Variants in SGCD observed in about 807,000 individuals in gnomAD.
SGCD encodes the protein delta-sarcoglycan.
SGCD carries 18 observed loss-of-function variants against 36.6 expected under a neutral mutation model. The observed-to-expected ratio is 0.49, with a 90% confidence interval of 0.34 to 0.73. SGCD has a LOEUF of 0.73. SGCD is among the 30% of genes least tolerant of loss of function. The probability of loss-of-function intolerance (pLI) is 0.01; values close to 1 mark genes in which losing one functional copy is unlikely to be tolerated. For missense variants in SGCD, 387 were observed against 346.7 expected (o/e 1.12, Z -0.92); for synonymous variants, 133 against 130.6 (o/e 1.02, Z -0.12).
At chr5:156,402,930 A>G (rs1373204600) in intron 3 of SGCD, among the ~76,000 whole-genome samples, 1 of 152,166 alleles carries the variant, frequency 6.6e-6, no homozygotes, top group African/African-American at 2.4e-5. Context: ...TGGTAATTCT[A>G]CATTTAATTT....
intron 3 of SGCD, among the ~76,000 whole-genome samples, chr5:156,268,749 C>A (rs942387283): frequency 6.6e-6 from 1 of 152,068 alleles, no homozygotes; most frequent in Non-Finnish European, 1.5e-5. Flanking sequence ...TGCGCCATCA[C>A]GCCTGGCAAA....
intron 3 of SGCD, among the ~76,000 whole-genome samples, chr5:156,297,292 A>G (rs1766921625): frequency 6.6e-6 from 1 of 152,118 alleles, no homozygotes; most frequent in Non-Finnish European, 1.5e-5. Flanking sequence ...TACTGGGTAT[A>G]TACCCAAAGG....
chr5:156,268,956 C>T (rs1766078421), intron 3 of SGCD, among the ~76,000 whole-genome samples: 1 of 152,114 alleles, frequency 6.6e-6, no homozygotes, highest in Admixed American at 6.5e-5. Flanking sequence ...ATATTGGCTG[C>T]ATGTATGTCT....
chr5:156,741,144 C>T (rs760592660), intron 7 of SGCD, among the ~76,000 whole-genome samples: 6 of 152,120 alleles, frequency 3.9e-5, no homozygotes, highest in Non-Finnish European at 8.8e-5. Context: ...GCCATTGTCT[C>T]CATTCTCTAA....
At chr5:156,081,057 G>A (rs1254422335) in intron 1 of SGCD, among the ~76,000 whole-genome samples, 1 of 152,156 alleles carries the variant, frequency 6.6e-6, no homozygotes, top group Non-Finnish European at 1.5e-5. Flanking sequence ...GGTTCTATAG[G>A]CTGTACAGGA....
intron 3 of SGCD, among the ~76,000 whole-genome samples, chr5:156,430,384 T>G (rs1434775624): frequency 6.6e-6 from 1 of 152,100 alleles, no homozygotes; most frequent in Non-Finnish European, 1.5e-5. Context: ...ACTATTTTTC[T>G]GGAAAGTTTT....
chr5:156,626,191 A>G (rs1762435436), intron 6 of SGCD, among the ~76,000 whole-genome samples: 1 of 152,198 alleles, frequency 6.6e-6, no homozygotes. Flanking sequence ...CTAGAGGAAA[A>G]GTATGCAGAG....
intron 3 of SGCD, among the ~76,000 whole-genome samples, chr5:156,457,729 A>G (rs1305499720): frequency 6.6e-6 from 1 of 152,206 alleles, no homozygotes; most frequent in Non-Finnish European, 1.5e-5. Context: ...GGACAGAAAA[A>G]TGTAAATGTC....
At chr5:155,997,941 G>T (rs771947938) in intron 1 of SGCD, among the ~76,000 whole-genome samples, 3 of 152,160 alleles carry the variant, frequency 2.0e-5, no homozygotes, top group Non-Finnish European at 2.9e-5. Flanking sequence ...CATTGGATTT[G>T]AACTTTCCCA....
At chr5:156,429,235 T>G (rs924677614) in intron 3 of SGCD, among the ~76,000 whole-genome samples, 1 of 151,776 alleles carries the variant, frequency 6.6e-6, no homozygotes, top group Admixed American at 6.6e-5. Flanking sequence ...TGGACAAATT[T>G]TTTAATCATT....
intron 3 of SGCD, among the ~76,000 whole-genome samples, chr5:156,435,899 G>T (rs189174570): frequency 6.6e-6 from 1 of 152,278 alleles, no homozygotes. Flanking sequence ...GCTACCTTCT[G>T]TCCAAGATGC....
chr5:156,110,749 G>T (rs976718970), intron 1 of SGCD, among the ~76,000 whole-genome samples: 1 of 152,088 alleles, frequency 6.6e-6, no homozygotes, highest in Non-Finnish European at 1.5e-5. Flanking sequence ...TATCAGTAAT[G>T]TTTTATTTTT....
At chr5:156,234,468 A>AT (rs1464098301) in intron 3 of SGCD, among the ~76,000 whole-genome samples, 4 of 152,180 alleles carry the variant, frequency 2.6e-5, no homozygotes, top group African/African-American at 9.7e-5. Context: ...GGCTCTATGG[A>AT]GGTTCATTAG....
intron 6 of SGCD, among the ~76,000 whole-genome samples, chr5:156,643,237 G>A (rs563798441): frequency 6.6e-6 from 1 of 151,970 alleles, no homozygotes; most frequent in Non-Finnish European, 1.5e-5. Flanking sequence ...TCTCCATGTT[G>A]GTCAGGCTGG....
chr5:156,223,409 G>T (rs894302136), intron 3 of SGCD, among the ~76,000 whole-genome samples: 2 of 152,100 alleles, frequency 1.3e-5, no homozygotes, highest in Non-Finnish European at 2.9e-5. Flanking sequence ...AAATGAAGAA[G>T]CCTGCTATGA....
intron 4 of SGCD, among the ~76,000 whole-genome samples, chr5:156,551,483 G>A (rs1758792646): frequency 6.6e-6 from 1 of 152,076 alleles, no homozygotes; most frequent in African/African-American, 2.4e-5. Context: ...CCTTGGATGT[G>A]TGTGTTCACG....
At chr5:156,558,687 A>G (rs1290363241) in intron 4 of SGCD, among the ~76,000 whole-genome samples, 2 of 152,162 alleles carry the variant, frequency 1.3e-5, no homozygotes, top group Admixed American at 6.6e-5. Context: ...GAGATTGATC[A>G]TAACTGAGAA....
intron 1 of SGCD, among the ~76,000 whole-genome samples, chr5:156,035,285 G>A (rs920102302): frequency 3.3e-5 from 5 of 152,114 alleles, no homozygotes; most frequent in East Asian, 1.9e-4. Context: ...CCTTAACAGA[G>A]TGGTTAAAAC....
intron 1 of SGCD, among the ~76,000 whole-genome samples, chr5:156,058,347 A>T (rs1760111554): frequency 6.8e-6 from 1 of 146,544 alleles, no homozygotes; most frequent in Non-Finnish European, 1.5e-5. Flanking sequence ...AGTGAGAGGG[A>T]GTGGGATACC....
Sources: gnomAD v4.1 joint callset for allele counts (sites outside exome capture counted in the v4.1 genomes callset) on GRCh38, gnomAD v4.1.1 for gene constraint, MANE v1.5 for transcripts, NCBI Gene and HGNC (gene_info 2026-07-23, HGNC 2026-07-21) for gene names.